The following ARHGAP6 variants were observed in gnomAD, a reference collection of about 807,000 sequenced individuals.
ARHGAP6 encodes the protein rho GTPase-activating protein 6.
ARHGAP6 carries 16 observed loss-of-function variants against 55.7 expected under a neutral mutation model. The ratio of observed to expected loss-of-function variants is 0.29; its 90% CI spans 0.19 to 0.44. ARHGAP6 has a LOEUF of 0.44. ARHGAP6 is among the 20% of genes least tolerant of loss of function. ARHGAP6 has a pLI of 1.00. For synonymous variants in ARHGAP6, 382 were observed against 360.9 expected, an observed-to-expected ratio of 1.06 and a Z score of -0.66; for missense variants, 698 against 808.9, an observed-to-expected ratio of 0.86 and a Z score of 1.66.
chrX:11,458,820 A>AC (rs112551428), intron 1 of ARHGAP6, among the ~76,000 whole-genome samples: 12,079 of 110,894 alleles, frequency 0.11, 621 homozygotes, highest in Admixed American at 0.2. Flanking sequence ...AAGGAGAGAT[A>AC]GTAATAAAAA....
intron 2 of ARHGAP6, among the ~76,000 whole-genome samples, chrX:11,205,049 C>T (rs1014318769): frequency 2.2e-4 from 25 of 111,533 alleles, no homozygotes; most frequent in Non-Finnish European, 1.9e-4. Context: ...AGAGTAGATG[C>T]TCAAGAAGTT....
chrX:11,427,821 G>GGGGGAGGGGGAA lies in ARHGAP6; in HGVS notation c.589-173115_589-173114insTTCCCCCTCCCC, dbSNP rs1569340622. ...GCGCGAAGGGGGAGGGGGAAGAGGA[G>GGGGGAGGGGGAA]GAGGAGGAGGAGGAGGAGGAGGAGG... On this transcript the variant is annotated intron_variant, in intron 1 of 12. Transcript: ENST00000337414. The GGGGGAGGGGGAA allele has an allele frequency of 2.1e-5, 6 of 288,676 alleles. No individual in the cohort carries two copies. In the African/African-American group the frequency reaches 8.7e-4, roughly 42 times the overall value. The allele number at this position is 288,676 out of a possible 1,213,427, so 23.8% of individuals were successfully genotyped here. A position where few individuals can be genotyped will look rare whatever the true frequency, so the allele number is the denominator to read the frequency against.
intron 1 of ARHGAP6, among the ~76,000 whole-genome samples, chrX:11,483,221 T>C (rs1323672717): frequency 2.7e-5 from 3 of 111,773 alleles, no homozygotes; most frequent in African/African-American, 9.8e-5. Context: ...GAACTTGCAA[T>C]GTGTTCAAGA....
chrX:11,656,410 A>G (rs777138685), intron 1 of ARHGAP6, among the ~76,000 whole-genome samples: 1 of 112,478 alleles, frequency 8.9e-6, no homozygotes, highest in Non-Finnish European at 1.9e-5. Context: ...ATTTTGTAGC[A>G]TAAAACAACT....
intron 1 of ARHGAP6, among the ~76,000 whole-genome samples, chrX:11,355,029 G>A (rs1210764407): frequency 6.3e-5 from 7 of 111,936 alleles, no homozygotes; most frequent in Non-Finnish European, 1.1e-4. Flanking sequence ...CATTTAAATT[G>A]TAACAATTAA....
intron 5 of ARHGAP6, among the ~76,000 whole-genome samples, chrX:11,185,818 C>T (rs1016999618): frequency 5.4e-5 from 6 of 111,327 alleles, no homozygotes; most frequent in African/African-American, 2.0e-4. Flanking sequence ...GCAATGATTC[C>T]CCAATTTTTT....
At chrX:11,330,238 G>A (rs1157605622) in intron 1 of ARHGAP6, among the ~76,000 whole-genome samples, 3 of 112,730 alleles carry the variant, frequency 2.7e-5, no homozygotes, top group Non-Finnish European at 3.8e-5. Flanking sequence ...CTGCTGCACA[G>A]CATGTTGAAT....
chrX:11,254,687 G>A lies in ARHGAP6; in HGVS notation c.609C>T (p.Ser203=). 6 of 1,167,027 alleles carry A rather than the reference G, an allele frequency of 5.1e-6. No homozygotes were observed. The highest frequency in any genetic ancestry group is 6.9e-6 in the Non-Finnish European group (6 of 874,809). The stretch of plus-strand genomic sequence containing the variant: ...TCAGCCGTACACTGCGGCCTGACAT[G>A]CTGTTCCAGGTGAAATCACCCTGTA... ...WKSEGDFTWN[S]MSGRSVRLRS... The change falls in exon 2 of 13, where the codon AGC becomes AGT. Residue 203 remains serine (S), a synonymous_variant. Transcript: ENST00000337414.
At chrX:11,446,238 T>A (rs186429703) in intron 1 of ARHGAP6, among the ~76,000 whole-genome samples, 6 of 112,029 alleles carry the variant, frequency 5.4e-5, no homozygotes, top group Admixed American at 4.7e-4. Flanking sequence ...GTGATGAGAA[T>A]TTCCATGTCC....
At chrX:11,488,679 G>A (rs1214720114) in intron 1 of ARHGAP6, among the ~76,000 whole-genome samples, 3 of 110,659 alleles carry the variant, frequency 2.7e-5, no homozygotes, top group African/African-American at 6.6e-5. Context: ...TCAGATCAGC[G>A]GCTGCATGAT....
chrX:11,604,889 A>G (rs1420248211), intron 1 of ARHGAP6, among the ~76,000 whole-genome samples: 1 of 111,846 alleles, frequency 8.9e-6, no homozygotes, highest in Non-Finnish European at 1.9e-5. Context: ...ATGGTAATGG[A>G]TTGCCCTTTC....
At chrX:11,525,532 G>A (rs1020457756) in intron 1 of ARHGAP6, among the ~76,000 whole-genome samples, 2 of 112,177 alleles carry the variant, frequency 1.8e-5, no homozygotes, top group East Asian at 2.8e-4. Context: ...ACACCATGCA[G>A]AAATTAGGCT....
intron 1 of ARHGAP6, among the ~76,000 whole-genome samples, chrX:11,580,121 G>C: frequency 9.0e-6 from 1 of 111,669 alleles, no homozygotes; most frequent in Middle Eastern, 4.6e-3. Flanking sequence ...GGGTAGGTGA[G>C]GTATCTATGA....
At chrX:11,516,040 T>A (rs1321330264) in intron 1 of ARHGAP6, among the ~76,000 whole-genome samples, 4 of 112,454 alleles carry the variant, frequency 3.6e-5, no homozygotes, top group African/African-American at 9.7e-5. Context: ...CTCCTGTCAA[T>A]CTACTGTGGC....
At chrX:11,474,533 T>C (rs371372217) in intron 1 of ARHGAP6, among the ~76,000 whole-genome samples, 5 of 112,323 alleles carry the variant, frequency 4.5e-5, no homozygotes, top group African/African-American at 1.6e-4. Flanking sequence ...CAAGAAGCCC[T>C]TTTTCTTAGT....
intron 8 of ARHGAP6, 24 bp from the exon 9 acceptor site, chrX:11,169,708 A>T (rs1183142214): frequency 9.1e-7 from 1 of 1,093,823 alleles, no homozygotes; most frequent in South Asian, 2.4e-5. Context: ...GAACACAAGG[A>T]CTGTTGTTAT....
intron 1 of ARHGAP6, among the ~76,000 whole-genome samples, chrX:11,572,649 A>G (rs1021854482): frequency 3.6e-5 from 4 of 111,744 alleles, no homozygotes; most frequent in Non-Finnish European, 7.5e-5. Flanking sequence ...CAATAAACAT[A>G]CGTGTGCATG....
intron 1 of ARHGAP6, among the ~76,000 whole-genome samples, chrX:11,491,333 A>G (rs1016619572): frequency 4.9e-4 from 54 of 110,988 alleles, no homozygotes; most frequent in African/African-American, 1.7e-3. Context: ...ATTTAGCATT[A>G]GGTATATCTC....
At chrX:11,633,574 A>G (rs1368011553) in intron 1 of ARHGAP6, among the ~76,000 whole-genome samples, 1 of 111,792 alleles carries the variant, frequency 8.9e-6, no homozygotes, top group Non-Finnish European at 1.9e-5. Flanking sequence ...TTGGAGTTCA[A>G]TCAACCTATA....
Sources: allele counts gnomAD v4.1 joint callset (sites outside exome capture counted in the v4.1 genomes callset), GRCh38; gene constraint gnomAD v4.1.1; transcripts MANE v1.5; gene names NCBI Gene and HGNC (gene_info 2026-07-23, HGNC 2026-07-21).